The following MTPAP variants were observed in gnomAD, a reference collection of about 807,000 sequenced individuals.
The protein encoded by MTPAP is mitochondrial poly(A) polymerase.
A neutral mutation model predicts 48.7 loss-of-function variants in MTPAP; 23 were observed. The observed-to-expected ratio is 0.47, with a 90% confidence interval of 0.34 to 0.67. MTPAP has a LOEUF of 0.67. Ranked by LOEUF, MTPAP falls within the 30% of genes least tolerant of loss-of-function variation. The pLI is 0.01. For missense variants in MTPAP, 614 were observed against 694.3 expected, an observed-to-expected ratio of 0.88 and a Z score of 1.30; for synonymous variants, 257 against 254.1, an observed-to-expected ratio of 1.01 and a Z score of -0.11.
chr10:30,316,312 A>G, intron 6 of MTPAP, 102 bp from the exon 7 acceptor site: 2 of 861,196 alleles, frequency 2.3e-6, no homozygotes, highest in Admixed American at 4.1e-5. Flanking sequence ...GCATGATCTC[A>G]GCTCAATGCA....
rs916896788 is a variant in MTPAP at position 30,313,002 on chromosome 10, T to C, written c.*607A>G. On this transcript the variant is annotated 3_prime_UTR_variant, in exon 9 of 9. Coordinates refer to ENST00000263063, the MANE Select transcript of MTPAP (RefSeq NM_018109.4). ...ATCAGTACCAACCCACTTTAATTTATATGTGAATAAGAGAACTTCGCTTGA... is the reference window on the plus strand; with the variant it reads ...ATCAGTACCAACCCACTTTAATTTACATGTGAATAAGAGAACTTCGCTTGA... 2 of 153,848 alleles carry C rather than the reference T, an allele frequency of 1.3e-5. No homozygotes were observed. The highest frequency in any genetic ancestry group is 2.4e-5 in the African/African-American group (1 of 41,470). 9.5% of individuals were successfully genotyped at this position (153,848 alleles called of 1,614,324 possible).
rs1447018201 is a variant in MTPAP, at chr10:30,313,659, C to T, written c.1699G>A (p.Glu567Lys). Residue 567 changes from glutamate to lysine, a missense_variant, in exon 9 of 9, where the codon GAA becomes AAA. By Grantham distance (56) the Glu-to-Lys change is moderately conservative. Transcript: ENST00000263063. ...LLESLKGNRT[E>K]NFTKTSGKRT... ...TTCCCACTGGTTTTTGTGAAATTTT[C>T]TGTTCTGTTACCTTTTAAAGATTCT... 1 of 1,614,018 alleles carries T rather than the reference C, an allele frequency of 6.2e-7. No homozygotes were observed. Among genetic ancestry groups the T allele is most frequent in the Non-Finnish European group, 8.5e-7 (1 of 1,179,994 alleles).
chr10:30,346,721 C>T (rs190657109), intron 1 of MTPAP, among the ~76,000 whole-genome samples: 16 of 152,312 alleles, frequency 1.1e-4, no homozygotes, highest in Middle Eastern at 3.4e-3. Flanking sequence ...CTGGTAACAG[C>T]ACACCCCTGC....
intron 4 of MTPAP, among the ~76,000 whole-genome samples, chr10:30,336,428 TAAC>T (rs1026353977): frequency 4.5e-4 from 68 of 152,068 alleles, no homozygotes; most frequent in African/African-American, 1.6e-3. Context: ...AAAGAGAAAT[TAAC>T]AAAACCAAGA....
chr10:30,341,575 G>A lies in MTPAP; in HGVS notation c.223C>T (p.Gln75Ter). The change falls in exon 2 of 9, where the codon CAG becomes TAG. Residue 75 changes from glutamine to a stop codon, truncating the protein, a stop_gained. Coordinates refer to ENST00000263063, the MANE Select transcript of MTPAP (RefSeq NM_018109.4). LOFTEE classifies it high-confidence loss of function. Reference protein sequence around the residue: ...EMQNERREQAQRTVLIHCPEK... With the variant: ...EMQNERREQA ...GGGCAATGTATTAAAACAGTCCGCT[G>A]TGCCTGTTCTCGTCTTTCATTTTGC... is the stretch of plus-strand genomic sequence containing the variant. 1.2e-6 allele frequency: 2 copies of A among 1,614,080 alleles called. No homozygotes were observed. Among genetic ancestry groups the A allele is most frequent in the Non-Finnish European group, 1.7e-6 (2 of 1,179,970 alleles).
chr10:30,334,558 G>A (rs559120703), intron 4 of MTPAP, among the ~76,000 whole-genome samples: 2 of 152,114 alleles, frequency 1.3e-5, no homozygotes, highest in African/African-American at 4.8e-5. Flanking sequence ...CTACACAGGA[G>A]GCTGAGGCAG....
In MTPAP at chr10:30,313,856, A is replaced by C. The variant is rs1172193302; in HGVS notation, c.1502T>G (p.Leu501Trp). 6.2e-7 allele frequency: 1 copy of C among 1,614,222 alleles called. No homozygotes were observed. The highest frequency in any genetic ancestry group is 1.7e-5 in the Admixed American group (1 of 60,032). ...SQSQLQKFVD[L>W]ARESAWILQQ... Reference sequence around the variant, plus strand: ...TAAAATCCAGGCACTTTCTCGGGCCAAATCTACAAATTTTTGCAGCTGGCT... The same window carrying C: ...TAAAATCCAGGCACTTTCTCGGGCCCAATCTACAAATTTTTGCAGCTGGCT... The change falls in exon 9 of 9, where the codon TTG becomes TGG. Residue 501 changes from leucine to tryptophan, a missense_variant. By Grantham distance (61) the Leu-to-Trp change is moderately conservative. Transcript: ENST00000263063.
intron 5 of MTPAP, among the ~76,000 whole-genome samples, chr10:30,325,721 G>A (rs1834580478): frequency 6.6e-6 from 1 of 152,060 alleles, no homozygotes; most frequent in African/African-American, 2.4e-5. Context: ...CTGCACTCCA[G>A]CCTAGGCAAC....
At chr10:30,344,296 T>C (rs141766906) in intron 1 of MTPAP, among the ~76,000 whole-genome samples, 1 of 152,206 alleles carries the variant, frequency 6.6e-6, no homozygotes, top group African/African-American at 2.4e-5. Flanking sequence ...CTGGTTGGAA[T>C]GTCTACCTTC....
At chr10:30,314,314 G>A (rs1420914827) in intron 8 of MTPAP, among the ~76,000 whole-genome samples, 2 of 151,942 alleles carry the variant, frequency 1.3e-5, no homozygotes, top group Non-Finnish European at 2.9e-5. Flanking sequence ...ACCTAACAAG[G>A]TAGAGCATGA....
At chr10:30,343,578 T>G (rs1045006594) in intron 1 of MTPAP, among the ~76,000 whole-genome samples, 1 of 152,042 alleles carries the variant, frequency 6.6e-6, no homozygotes, top group Admixed American at 6.6e-5. Context: ...TTTCTTTTTT[T>G]TTTTAAAGAG....
At chr10:30,343,602 C>T (rs1834837550) in intron 1 of MTPAP, among the ~76,000 whole-genome samples, 1 of 151,844 alleles carries the variant, frequency 6.6e-6, no homozygotes, top group South Asian at 2.1e-4. Context: ...AGGTCTCCCT[C>T]TGTCACCCAG....
intron 4 of MTPAP, among the ~76,000 whole-genome samples, chr10:30,329,627 C>G (rs994845029): frequency 6.6e-6 from 1 of 152,140 alleles, no homozygotes; most frequent in Non-Finnish European, 1.5e-5. Flanking sequence ...GATGCCTCCT[C>G]TACTTCTTTA....
intron 6 of MTPAP, among the ~76,000 whole-genome samples, chr10:30,319,613 A>G (rs1038021568): frequency 6.1e-5 from 9 of 148,722 alleles, no homozygotes; most frequent in Non-Finnish European, 1.2e-4. Flanking sequence ...TTTTGGAGGG[A>G]AAAAAAAGGA....
At chr10:30,314,191 T>C (rs1242812057) in intron 8 of MTPAP, among the ~76,000 whole-genome samples, 2 of 152,112 alleles carry the variant, frequency 1.3e-5, no homozygotes, top group African/African-American at 4.8e-5. Flanking sequence ...ATGAGTGTTC[T>C]TTGGAGAAAT....
At chr10:30,329,458 T>C (rs1156705504) in intron 4 of MTPAP, among the ~76,000 whole-genome samples, 2 of 152,048 alleles carry the variant, frequency 1.3e-5, no homozygotes, top group Non-Finnish European at 2.9e-5. Flanking sequence ...GGTCTCGAAC[T>C]CCTGAGCTCA....
chr10:30,337,981 A>G (rs550396269), intron 3 of MTPAP, among the ~76,000 whole-genome samples: 1 of 152,206 alleles, frequency 6.6e-6, no homozygotes, highest in South Asian at 2.1e-4. Context: ...GAAAATATCA[A>G]CTGGCTGGGC....
intron 8 of MTPAP, among the ~76,000 whole-genome samples, chr10:30,315,486 C>A (rs1840649350): frequency 1.6e-5 from 2 of 126,380 alleles, no homozygotes; most frequent in Non-Finnish European, 1.7e-5. Flanking sequence ...AAATCCAAAT[C>A]GTAAGTTCAT....
At position 30,313,390 on chromosome 10, in the gene MTPAP, C is replaced by T. The variant is rs971678276; in HGVS notation, c.*219G>A. On this transcript the variant is annotated 3_prime_UTR_variant, in exon 9 of 9. Coordinates refer to ENST00000263063, the MANE Select transcript of MTPAP (RefSeq NM_018109.4). ...GACTACAGGTGTGCACCGCCACACTCCACAGCTGATGTTTTAATAAAGTGC... is the reference window on the plus strand; with the variant it reads ...GACTACAGGTGTGCACCGCCACACTTCACAGCTGATGTTTTAATAAAGTGC... 6.7e-5 allele frequency: 40 copies of T among 597,082 alleles called. No homozygotes were observed. The African/African-American group carries it at 7.1e-4, about 11-fold the overall frequency. The allele number at this position is 597,082 out of a possible 1,614,324, so 37.0% of individuals were successfully genotyped here. A position where few individuals can be genotyped will look rare whatever the true frequency, so the allele number is the denominator to read the frequency against.
Sources: allele counts gnomAD v4.1 joint callset (sites outside exome capture counted in the v4.1 genomes callset), GRCh38; gene constraint gnomAD v4.1.1; transcripts MANE v1.5; gene names NCBI Gene and HGNC (gene_info 2026-07-23, HGNC 2026-07-21).